CDH23: variants seen among roughly 807,000 people sequenced by gnomAD.
CDH23 encodes cadherin related 23, also known as cadherin-23.
CDH23 carries 189 observed loss-of-function variants against 317.1 expected under a neutral mutation model. That is an observed-to-expected ratio of 0.60 (90% CI 0.53 to 0.67). The LOEUF is 0.67. CDH23 is among the 30% of genes least tolerant of loss of function. The pLI is 0.00. For missense variants in CDH23, 4,401 were observed against 4,592.4 expected, an observed-to-expected ratio of 0.96 and a Z score of 1.20; for synonymous variants, 1,839 against 1,876.8, an observed-to-expected ratio of 0.98 and a Z score of 0.52.
chr10:71,443,941 C>T (rs1342763432), intron 2 of CDH23, among the ~76,000 whole-genome samples: 1 of 152,256 alleles, frequency 6.6e-6, no homozygotes, highest in Non-Finnish European at 1.5e-5. Context: ...GTGCAGAGCT[C>T]CCAGTGACTG....
chr10:71,683,896 C>T (rs182074529), intron 18 of CDH23, among the ~76,000 whole-genome samples: 1 of 152,046 alleles, frequency 6.6e-6, no homozygotes, highest in African/African-American at 2.4e-5. Context: ...GCCTGACCAA[C>T]GTGGTGAAAC....
chr10:71,742,072 C>G, intron 38 of CDH23, 151 bp downstream of exon 38: 1 of 708,378 alleles, frequency 1.4e-6, no homozygotes, highest in Non-Finnish European at 2.3e-6. Flanking sequence ...GTCCATCTGC[C>G]CAAGATGGCC....
chr10:71,679,950 TC>T (rs1230176613), intron 17 of CDH23, among the ~76,000 whole-genome samples: 3 of 152,098 alleles, frequency 2.0e-5, no homozygotes, highest in Non-Finnish European at 4.4e-5. Flanking sequence ...AACCTCAAGC[TC>T]CAAGATCCCA....
chr10:71,813,047 T>C (rs1412914539), intron 68 of CDH23, among the ~76,000 whole-genome samples, 157 bp downstream of exon 68: 1 of 152,146 alleles, frequency 6.6e-6, no homozygotes, highest in African/African-American at 2.4e-5. Context: ...CAGCCTGCGG[T>C]GGCCTTAAGG....
intron 28 of CDH23, chr10:71,716,280 GA>G: frequency 1.3e-6 from 2 of 1,531,914 alleles, no homozygotes; most frequent in Non-Finnish European, 1.8e-6. Context: ...GGAGCTGAGA[GA>G]AAGGCGAGGG....
chr10:71,771,343 C>T (rs1840679120), intron 38 of CDH23, among the ~76,000 whole-genome samples: 4 of 152,182 alleles, frequency 2.6e-5, no homozygotes, highest in Admixed American at 2.6e-4. Context: ...CAGTGCTGGC[C>T]CAACCCCAAG....
chr10:71,686,583 A>G (rs74145297), intron 18 of CDH23, among the ~76,000 whole-genome samples: 325 of 152,294 alleles, frequency 2.1e-3, no homozygotes, highest in African/African-American at 7.5e-3. Context: ...GGCTTCATAC[A>G]GGATCCTTTC....
At chr10:71,552,769 G>A (rs1220402723) in intron 6 of CDH23, among the ~76,000 whole-genome samples, 1 of 152,076 alleles carries the variant, frequency 6.6e-6, no homozygotes, top group Non-Finnish European at 1.5e-5. Context: ...GAATCACACA[G>A]GGGACCCTGG....
intron 34 of CDH23, 109 bp downstream of exon 34, chr10:71,734,767 G>A: frequency 1.5e-6 from 1 of 657,518 alleles, no homozygotes; most frequent in Non-Finnish European, 2.6e-6. Context: ...GAAGGCACGT[G>A]GACAGGCCTG....
At chr10:71,424,717 C>T (rs761072823) in intron 1 of CDH23, among the ~76,000 whole-genome samples, 27 of 152,200 alleles carry the variant, frequency 1.8e-4, no homozygotes, top group Non-Finnish European at 2.9e-4. Context: ...ACCTACTGTC[C>T]GCCAGGCTCT....
intron 1 of CDH23, among the ~76,000 whole-genome samples, chr10:71,399,302 A>C (rs1847676866): frequency 6.6e-6 from 1 of 152,210 alleles, no homozygotes; most frequent in Non-Finnish European, 1.5e-5. Context: ...CTGAATCAGA[A>C]TCTGCATTTG....
chr10:71,523,042 G>A (rs1431725382), intron 6 of CDH23, among the ~76,000 whole-genome samples: 1 of 152,152 alleles, frequency 6.6e-6, no homozygotes, highest in Non-Finnish European at 1.5e-5. Context: ...CCTTGGAATA[G>A]ACACTCAGGG....
intron 3 of CDH23, among the ~76,000 whole-genome samples, chr10:71,478,492 C>T (rs1052232135): frequency 6.6e-6 from 1 of 152,234 alleles, no homozygotes; most frequent in African/African-American, 2.4e-5. Flanking sequence ...GAGTTGTCCC[C>T]CTCGGTTCTC....
intron 3 of CDH23, among the ~76,000 whole-genome samples, chr10:71,498,234 C>T (rs1397542965): frequency 6.6e-6 from 1 of 152,222 alleles, no homozygotes; most frequent in Non-Finnish European, 1.5e-5. Context: ...CTGATTCTCT[C>T]AGCCTTAAAG....
chr10:71,425,538 G>T (rs982451197), intron 1 of CDH23, among the ~76,000 whole-genome samples: 1 of 152,190 alleles, frequency 6.6e-6, no homozygotes, highest in African/African-American at 2.4e-5. Context: ...AGCCAGCCCC[G>T]CCCATCTGCA....
At chr10:71,668,473 G>A (rs1204052460) in intron 14 of CDH23, among the ~76,000 whole-genome samples, 6 of 152,296 alleles carry the variant, frequency 3.9e-5, no homozygotes, top group South Asian at 2.1e-4. Flanking sequence ...AAGAGCACAC[G>A]CCTTGGAGTT....
chr10:71,402,392 G>A (rs894287588), intron 1 of CDH23, among the ~76,000 whole-genome samples: 1 of 152,170 alleles, frequency 6.6e-6, no homozygotes, highest in Non-Finnish European at 1.5e-5. Flanking sequence ...TTTGCAGGCC[G>A]ACAGACTTGA....
intron 9 of CDH23, among the ~76,000 whole-genome samples, chr10:71,578,321 T>G (rs1462266126): frequency 6.6e-6 from 1 of 152,196 alleles, no homozygotes; most frequent in Non-Finnish European, 1.5e-5. Flanking sequence ...GGGACTTTGG[T>G]GACTCCTATC....
chr10:71,618,826 CAA>C (rs2132523863), intron 11 of CDH23, among the ~76,000 whole-genome samples: 1 of 151,416 alleles, frequency 6.6e-6, no homozygotes, highest in African/African-American at 2.4e-5. Flanking sequence ...TGTGTGTGCT[CAA>C]GTGTGTGTGC....
Sources: gnomAD v4.1 joint callset for allele counts (sites outside exome capture counted in the v4.1 genomes callset) on GRCh38, gnomAD v4.1.1 for gene constraint, MANE v1.5 for transcripts, NCBI Gene and HGNC (gene_info 2026-07-23, HGNC 2026-07-21) for gene names.